Variants in AGBL4 observed in about 807,000 individuals in gnomAD.
The protein encoded by AGBL4 is AGBL carboxypeptidase 4.
A neutral mutation model predicts 66.4 loss-of-function variants in AGBL4; 58 were observed. The ratio of observed to expected loss-of-function variants is 0.87; its 90% CI spans 0.71 to 1.09. The LOEUF (loss-of-function observed/expected upper bound fraction) is 1.09. Among genes scored for constraint, AGBL4 ranks in the 50% least tolerant of loss-of-function variants. The pLI, the probability that AGBL4 is intolerant of heterozygous loss-of-function variation, is 0.00. For synonymous variants in AGBL4, 234 were observed against 222.9 expected (o/e 1.05, Z -0.44); for missense variants, 579 against 631.0 (o/e 0.92, Z 0.88).
intron 6 of AGBL4, among the ~76,000 whole-genome samples, chr1:48,760,278 C>A (rs1644185117): frequency 6.6e-6 from 1 of 152,196 alleles, no homozygotes; most frequent in African/African-American, 2.4e-5. Flanking sequence ...CAAATGAATT[C>A]TTCACTCAGG....
intron 4 of AGBL4, among the ~76,000 whole-genome samples, chr1:49,146,110 G>A (rs1646213167): frequency 1.3e-5 from 2 of 152,140 alleles, no homozygotes; most frequent in African/African-American, 4.8e-5. Context: ...AGTAGTGGGG[G>A]TTGGGGGACT....
chr1:49,179,356 T>C (rs777678098), intron 4 of AGBL4, among the ~76,000 whole-genome samples: 30 of 152,032 alleles, frequency 2.0e-4, no homozygotes, highest in Non-Finnish European at 4.0e-4. Context: ...TAGGGGGTTA[T>C]AAAAGAAAAA....
intron 2 of AGBL4, among the ~76,000 whole-genome samples, chr1:49,748,929 T>G (rs1352892270): frequency 6.6e-6 from 1 of 152,190 alleles, no homozygotes; most frequent in Non-Finnish European, 1.5e-5. Context: ...ATGGATAGAT[T>G]GCAAAAATTT....
At chr1:49,190,115 T>C (rs1647088236) in intron 4 of AGBL4, among the ~76,000 whole-genome samples, 1 of 152,206 alleles carries the variant, frequency 6.6e-6, no homozygotes, top group South Asian at 2.1e-4. Context: ...GGAAGGGTTT[T>C]CAGAGGCAAA....
At chr1:48,751,490 G>A (rs1651722487) in intron 6 of AGBL4, among the ~76,000 whole-genome samples, 1 of 152,186 alleles carries the variant, frequency 6.6e-6, no homozygotes, top group East Asian at 1.9e-4. Flanking sequence ...GTGGCCTCAG[G>A]CAAGTTACCT....
intron 3 of AGBL4, among the ~76,000 whole-genome samples, chr1:49,279,327 G>A (rs1644231171): frequency 6.6e-6 from 1 of 152,136 alleles, no homozygotes. Context: ...GGATGACAAA[G>A]CCAGGCGCTG....
intron 6 of AGBL4, among the ~76,000 whole-genome samples, chr1:48,738,610 AG>A: frequency 1.3e-5 from 2 of 152,236 alleles, no homozygotes; most frequent in Non-Finnish European, 2.9e-5. Context: ...GAGAAAAACA[AG>A]GAACTTTGAA....
intron 12 of AGBL4, 42 bp downstream of exon 12, chr1:48,539,600 G>A (rs1644030400): frequency 2.8e-6 from 4 of 1,446,022 alleles, no homozygotes; most frequent in Non-Finnish European, 3.7e-6. Flanking sequence ...TACAGCCCGT[G>A]GAGCAGAACT....
chr1:49,259,059 A>C lies in AGBL4; in HGVS notation c.283-13195T>G, dbSNP rs1334715291. ...GAATTTCATATCCAGCCAAACTAAG[A>C]TCCATAAGTGAAGGAGAAATAAAAT... On this transcript the variant is annotated intron_variant, in intron 3 of 13. Coordinates refer to ENST00000371839, the MANE Select transcript of AGBL4 (RefSeq NM_032785.4). 2.6e-5 allele frequency among the ~76,000 whole-genome samples: 4 copies of C among 152,188 alleles called. No individual in the cohort carries two copies. In the South Asian group the frequency reaches 8.3e-4, roughly 32 times the overall value.
chr1:48,754,519 C>T (rs566790498), intron 6 of AGBL4, among the ~76,000 whole-genome samples: 1 of 152,220 alleles, frequency 6.6e-6, no homozygotes, highest in African/African-American at 2.4e-5. Context: ...ATTGGAATGT[C>T]ACCATGCTTT....
At chr1:48,806,316 G>A (rs1354683493) in intron 6 of AGBL4, among the ~76,000 whole-genome samples, 2 of 152,102 alleles carry the variant, frequency 1.3e-5, no homozygotes, top group Non-Finnish European at 2.9e-5. Context: ...TCTGGTGTTC[G>A]AGGCCCAACT....
chr1:49,774,709 A>G (rs960652300), intron 2 of AGBL4, among the ~76,000 whole-genome samples: 2 of 152,204 alleles, frequency 1.3e-5, no homozygotes, highest in African/African-American at 4.8e-5. Context: ...TGAATTGCCT[A>G]TTCATTTGAT....
At chr1:49,154,820 G>T (rs1646400926) in intron 4 of AGBL4, among the ~76,000 whole-genome samples, 1 of 152,014 alleles carries the variant, frequency 6.6e-6, no homozygotes, top group South Asian at 2.1e-4. Context: ...ATTTGTAGCT[G>T]AAAACTTAAT....
chr1:49,494,402 T>G (rs1428870405), intron 3 of AGBL4, among the ~76,000 whole-genome samples: 1 of 151,940 alleles, frequency 6.6e-6, no homozygotes, highest in Non-Finnish European at 1.5e-5. Flanking sequence ...ATTAGGTATA[T>G]CTCCCAATGC....
At chr1:49,783,640 G>A (rs1032085474) in intron 2 of AGBL4, among the ~76,000 whole-genome samples, 1 of 152,176 alleles carries the variant, frequency 6.6e-6, no homozygotes, top group South Asian at 2.1e-4. Context: ...TTGTACTGAA[G>A]GTTCTAACCA....
chr1:48,653,416 C>A lies in AGBL4; in HGVS notation c.760G>T (p.Ala254Ser). Residue 254 changes from alanine (A) to serine (S), a missense_variant, in exon 8 of 14, where the codon GCC (alanine) becomes TCC (serine). Physicochemically the swap from Ala to Ser is moderately conservative, Grantham distance 99. Transcript: ENST00000371839. ...IDFLVSQHPI[A>S]CVLREYLVFK... Reference sequence around the variant, plus strand: ...ACCAGGTATTCCCGGAGGACACAGGCAATAGGGTGCTGGCTTACAAGGAAG... The same window carrying A: ...ACCAGGTATTCCCGGAGGACACAGGAAATAGGGTGCTGGCTTACAAGGAAG... 6.3e-7 allele frequency: 1 copy of A among 1,586,134 alleles called. No individual in the cohort carries two copies. Among genetic ancestry groups the A allele is most frequent in the Non-Finnish European group, 8.6e-7 (1 of 1,165,446 alleles).
chr1:49,775,819 T>C (rs1184147839), intron 2 of AGBL4, among the ~76,000 whole-genome samples: 2 of 152,116 alleles, frequency 1.3e-5, no homozygotes, highest in Admixed American at 6.6e-5. Flanking sequence ...ATATACAGAA[T>C]ATTACCAGAG....
chr1:49,258,092 G>A (rs182741781), intron 3 of AGBL4, among the ~76,000 whole-genome samples: 2 of 152,316 alleles, frequency 1.3e-5, no homozygotes, highest in Admixed American at 1.3e-4. Flanking sequence ...TGCAGCTGAG[G>A]ATCCTGTCTG....
chr1:49,987,048 G>T (rs1659555886), intron 1 of AGBL4, among the ~76,000 whole-genome samples: 1 of 151,908 alleles, frequency 6.6e-6, no homozygotes, highest in East Asian at 1.9e-4. Context: ...CCACTTCCCT[G>T]CTGGTAAAGG....
Sources: gnomAD v4.1 joint callset for allele counts (sites outside exome capture counted in the v4.1 genomes callset) on GRCh38, gnomAD v4.1.1 for gene constraint, MANE v1.5 for transcripts, NCBI Gene and HGNC (gene_info 2026-07-23, HGNC 2026-07-21) for gene names.